AKAP10: variants seen among roughly 807,000 people sequenced by gnomAD.
AKAP10 encodes A-kinase anchor protein 10, mitochondrial.
In AKAP10, 24 loss-of-function variants were observed where a neutral mutation model predicts 80.8. That is an observed-to-expected ratio of 0.30 (90% CI 0.22 to 0.42). AKAP10 has a LOEUF of 0.42. Among genes scored for constraint, AKAP10 ranks in the 10% least tolerant of loss-of-function variants. The pLI is 1.00. For missense variants in AKAP10, 661 were observed against 794.9 expected (o/e 0.83, Z 2.03); for synonymous variants, 291 against 277.7 (o/e 1.05, Z -0.48).
intron 4 of AKAP10, among the ~76,000 whole-genome samples, chr17:19,952,971 C>T (rs1194993664): frequency 6.6e-6 from 1 of 152,038 alleles, no homozygotes; most frequent in Non-Finnish European, 1.5e-5. Context: ...ACAGAATGTA[C>T]AATCTTTATA....
chr17:19,955,834 CA>C (rs535636185), intron 4 of AKAP10, among the ~76,000 whole-genome samples: 2 of 144,710 alleles, frequency 1.4e-5, no homozygotes, highest in Non-Finnish European at 1.5e-5. Context: ...GACTCCATCT[CA>C]AAAAAAAAAC....
chr17:19,928,559 C>T (rs768459810), intron 10 of AKAP10, among the ~76,000 whole-genome samples: 1 of 152,142 alleles, frequency 6.6e-6, no homozygotes, highest in Non-Finnish European at 1.5e-5. Flanking sequence ...AGCAATTCTA[C>T]TCCTATGTAT....
rs112886803 is a variant in AKAP10, at chr17:19,968,433, T to C, written c.117A>G (p.Ser39=). Residue 39 remains serine, a synonymous_variant, in exon 2 of 15, where the codon TCA becomes TCG. Coordinates refer to ENST00000225737, the MANE Select transcript of AKAP10 (RefSeq NM_007202.4). ...KVKGKEQEKT[S]DVKSIKASIS... Reference sequence around the variant, plus strand: ...ACTTACCTTTAATGGACTTCACATCTGAGGTCTTCTCTTGTTCTTTGCCTT... The same window carrying C: ...ACTTACCTTTAATGGACTTCACATCCGAGGTCTTCTCTTGTTCTTTGCCTT... 2.5e-4 allele frequency: 400 copies of C among 1,613,736 alleles called. No homozygotes were observed. The highest frequency in any genetic ancestry group is 3.1e-4 in the Non-Finnish European group (371 of 1,179,820).
At chr17:19,955,079 G>A (rs578074266) in intron 4 of AKAP10, among the ~76,000 whole-genome samples, 13 of 151,940 alleles carry the variant, frequency 8.6e-5, no homozygotes, top group East Asian at 3.9e-4. Flanking sequence ...AAAATCAGCC[G>A]GGTGTGGTGG....
At chr17:19,925,685 A>T (rs1296662309) in intron 10 of AKAP10, among the ~76,000 whole-genome samples, 1 of 152,106 alleles carries the variant, frequency 6.6e-6, no homozygotes, top group East Asian at 1.9e-4. Context: ...AATTGAACAG[A>T]CACTTATAGA....
At chr17:19,963,846 A>T (rs1368805435) in intron 2 of AKAP10, among the ~76,000 whole-genome samples, 1 of 152,004 alleles carries the variant, frequency 6.6e-6, no homozygotes, top group Admixed American at 6.6e-5. Flanking sequence ...CAGTGAGCTG[A>T]GATTGCACCA....
intron 12 of AKAP10, among the ~76,000 whole-genome samples, chr17:19,916,451 G>A (rs142264003): frequency 6.6e-6 from 1 of 152,192 alleles, no homozygotes; most frequent in African/African-American, 2.4e-5. Flanking sequence ...AATAGAACGA[G>A]CAGAGATAGT....
chr17:19,926,477 A>G (rs778418892), intron 10 of AKAP10, among the ~76,000 whole-genome samples: 1 of 152,158 alleles, frequency 6.6e-6, no homozygotes, highest in Non-Finnish European at 1.5e-5. Flanking sequence ...AGCCAGAAAA[A>G]AAACTATCTC....
chr17:19,922,080 A>G (rs1251181324), intron 11 of AKAP10, among the ~76,000 whole-genome samples: 2 of 152,174 alleles, frequency 1.3e-5, no homozygotes, highest in Non-Finnish European at 2.9e-5. Flanking sequence ...TACATGAACA[A>G]AGAGGACATT....
intron 4 of AKAP10, among the ~76,000 whole-genome samples, chr17:19,957,544 A>G (rs908479464): frequency 2.6e-5 from 4 of 152,288 alleles, no homozygotes; most frequent in African/African-American, 9.6e-5. Flanking sequence ...CAAAAAAAAA[A>G]AGATAATCAT....
chr17:19,953,211 G>A (rs892903754), intron 4 of AKAP10, among the ~76,000 whole-genome samples: 5 of 152,044 alleles, frequency 3.3e-5, no homozygotes, highest in African/African-American at 1.2e-4. Context: ...CATTTCATTT[G>A]TGCTCAGTTC....
chr17:19,946,549 T>G (rs1288594565), intron 5 of AKAP10, among the ~76,000 whole-genome samples: 1 of 150,990 alleles, frequency 6.6e-6, no homozygotes, highest in East Asian at 1.9e-4. Context: ...GCTTGGAATA[T>G]TGTCTGGGAC....
chr17:19,918,733 T>C (rs1173044981), intron 12 of AKAP10, among the ~76,000 whole-genome samples: 1 of 152,182 alleles, frequency 6.6e-6, no homozygotes, highest in Admixed American at 6.5e-5. Context: ...AACTTCTAGA[T>C]ACCATCTGTC....
At chr17:19,952,464 C>CAATAAATAAATAAATA (rs57806192) in intron 4 of AKAP10, among the ~76,000 whole-genome samples, 1 of 148,122 alleles carries the variant, frequency 6.8e-6, no homozygotes, top group Non-Finnish European at 1.5e-5. Context: ...AACTCTGTCT[C>CAATAAATAAATAAATA]AATAAATAAA....
chr17:19,972,398 T>C (rs1251399043), intron 1 of AKAP10, among the ~76,000 whole-genome samples: 1 of 152,220 alleles, frequency 6.6e-6, no homozygotes, highest in East Asian at 1.9e-4. Flanking sequence ...GTAAATCTTC[T>C]CTTCTAGAAG....
Position 19,909,203 on chromosome 17 carries a change from T to C in AKAP10, c.1961A>G (p.Gln654Arg). 1 of 1,613,172 alleles carries C rather than the reference T, an allele frequency of 6.2e-7. No homozygotes were observed. Among genetic ancestry groups the C allele is most frequent in the Non-Finnish European group, 8.5e-7 (1 of 1,179,768 alleles). ...SDIMQQAQYD[Q>R]PLEKSTKL ...TACCTTTGTAGATTTCTCTAACGGT[T>C]GATCATACTGAGCCTGCTGCATAAT... Residue 654 changes from glutamine to arginine, a missense_variant, in exon 14 of 15, where the codon CAA (glutamine) becomes CGA (arginine). Gln to Arg is a conservative substitution (Grantham distance 43, BLOSUM62 1). Coordinates refer to ENST00000225737, the MANE Select transcript of AKAP10 (RefSeq NM_007202.4).
intron 8 of AKAP10, among the ~76,000 whole-genome samples, chr17:19,938,479 C>T (rs1297394572): frequency 2.0e-5 from 3 of 150,616 alleles, no homozygotes; most frequent in Middle Eastern, 3.6e-3. Context: ...TCAAGTAATC[C>T]GCCTGCCTCA....
At chr17:19,962,261 AACATACATACATACAT>A (rs59111461) in intron 3 of AKAP10, among the ~76,000 whole-genome samples, 16 of 150,584 alleles carry the variant, frequency 1.1e-4, no homozygotes, top group Admixed American at 2.0e-4. Flanking sequence ...AATAGCCTTC[AACATACATACATACAT>A]ACATACATAC....
intron 9 of AKAP10, among the ~76,000 whole-genome samples, chr17:19,933,703 A>C (rs2042962320): frequency 6.6e-6 from 1 of 152,164 alleles, no homozygotes; most frequent in African/African-American, 2.4e-5. Flanking sequence ...CTAGCTATTT[A>C]ATGATTTGAC....
Sources: gnomAD v4.1 joint callset for allele counts (sites outside exome capture counted in the v4.1 genomes callset) on GRCh38, gnomAD v4.1.1 for gene constraint, MANE v1.5 for transcripts, NCBI Gene and HGNC (gene_info 2026-07-23, HGNC 2026-07-21) for gene names.